CFAP299: variants seen among roughly 807,000 people sequenced by gnomAD.
CFAP299 encodes the protein cilia and flagella associated protein 299, also known as cilia- and flagella-associated protein 299.
CFAP299 carries 21 observed loss-of-function variants against 27.0 expected under a neutral mutation model. The observed-to-expected ratio is 0.78, with a 90% CI of 0.55 to 1.12. The LOEUF is 1.12. Ranked by LOEUF, CFAP299 falls within the 50% of genes most tolerant of loss-of-function variation. The pLI, the probability that CFAP299 is intolerant of heterozygous loss-of-function variation, is 0.00. For synonymous variants in CFAP299, 104 were observed against 98.1 expected (o/e 1.06, Z -0.36); for missense variants, 310 against 276.6 (o/e 1.12, Z -0.86).
intron 2 of CFAP299, among the ~76,000 whole-genome samples, chr4:80,425,638 G>A (rs941525765): frequency 1.3e-5 from 2 of 152,214 alleles, no homozygotes; most frequent in Admixed American, 6.5e-5. Context: ...CCATGAAAGG[G>A]AAACTTGCCT....
intron 2 of CFAP299, among the ~76,000 whole-genome samples, chr4:80,384,842 A>G (rs1724885870): frequency 6.6e-6 from 1 of 152,174 alleles, no homozygotes; most frequent in African/African-American, 2.4e-5. Flanking sequence ...CATTATTACC[A>G]TGAGTCCCTG....
intron 3 of CFAP299, among the ~76,000 whole-genome samples, chr4:80,801,815 A>C (rs2110110644): frequency 6.6e-6 from 1 of 152,280 alleles, no homozygotes; most frequent in Admixed American, 6.5e-5. Flanking sequence ...AGGAAGGATT[A>C]AGTAAAATTT....
At chr4:80,783,542 G>A (rs1481591913) in intron 3 of CFAP299, among the ~76,000 whole-genome samples, 1 of 152,164 alleles carries the variant, frequency 6.6e-6, no homozygotes, top group Non-Finnish European at 1.5e-5. Flanking sequence ...ATTATAGAAT[G>A]TAAAACTTCT....
At chr4:80,543,265 A>G (rs1407200141) in intron 2 of CFAP299, among the ~76,000 whole-genome samples, 1 of 152,196 alleles carries the variant, frequency 6.6e-6, no homozygotes, top group Non-Finnish European at 1.5e-5. Flanking sequence ...GTGAGAAAGA[A>G]CTAGTGCAAG....
intron 2 of CFAP299, among the ~76,000 whole-genome samples, chr4:80,375,812 G>A (rs561705680): frequency 2.0e-5 from 3 of 152,298 alleles, no homozygotes; most frequent in African/African-American, 7.2e-5. Context: ...TCAGTGCTTT[G>A]TGTGGGCCAC....
intron 5 of CFAP299, among the ~76,000 whole-genome samples, chr4:80,958,275 C>T (rs1041530199): frequency 4.6e-5 from 7 of 152,160 alleles, no homozygotes; most frequent in African/African-American, 1.7e-4. Flanking sequence ...TCAAGTCGAA[C>T]TTAATTCCTT....
chr4:80,837,643 C>T (rs977555592), intron 3 of CFAP299, among the ~76,000 whole-genome samples: 2 of 152,126 alleles, frequency 1.3e-5, no homozygotes, highest in Admixed American at 1.3e-4. Flanking sequence ...GCATAGTGTT[C>T]CATGGTGTAT....
At chr4:80,415,825 C>T (rs1332450326) in intron 2 of CFAP299, among the ~76,000 whole-genome samples, 1 of 152,084 alleles carries the variant, frequency 6.6e-6, no homozygotes, top group Non-Finnish European at 1.5e-5. Flanking sequence ...GAAGTTGCTC[C>T]TTAAATCTTA....
chr4:80,857,159 T>G (rs1731961838), intron 3 of CFAP299, among the ~76,000 whole-genome samples: 1 of 152,214 alleles, frequency 6.6e-6, no homozygotes, highest in African/African-American at 2.4e-5. Context: ...TTATTCTCTT[T>G]GAAGCAATTG....
At chr4:80,871,300 G>A (rs541655938) in intron 4 of CFAP299, 3 of 985,392 alleles carry the variant, frequency 3.0e-6, no homozygotes, top group African/African-American at 3.5e-5. Flanking sequence ...CATTGCCCAT[G>A]TCTTTTTGAT....
chr4:80,488,687 A>T lies in CFAP299; in HGVS notation c.243-94406A>T, dbSNP rs370111588. 9.3e-4 allele frequency among the ~76,000 whole-genome samples: 141 copies of T among 152,294 alleles called. No individual in the cohort carries two copies. In the South Asian group the frequency reaches 0.018, roughly 20 times the overall value. On this transcript the variant is annotated intron_variant, in intron 2 of 5. Coordinates refer to ENST00000358105, the MANE Select transcript of CFAP299 (RefSeq NM_152770.3). ...GAGACGGGGTTTCACCGTGTTAGCCAGGATGGTCTCGATCTCCTGACCTTG... is the reference window on the plus strand; with the variant it reads ...GAGACGGGGTTTCACCGTGTTAGCCTGGATGGTCTCGATCTCCTGACCTTG...
chr4:80,395,436 T>C (rs923471985), intron 2 of CFAP299, among the ~76,000 whole-genome samples: 1 of 152,100 alleles, frequency 6.6e-6, no homozygotes, highest in African/African-American at 2.4e-5. Flanking sequence ...CTTCCAGAAG[T>C]ATATTGGATA....
At chr4:80,828,086 G>C (rs147962335) in intron 3 of CFAP299, among the ~76,000 whole-genome samples, 2 of 151,960 alleles carry the variant, frequency 1.3e-5, no homozygotes, top group Admixed American at 1.3e-4. Flanking sequence ...TTCATGGAGC[G>C]AAAGACAGTA....
intron 3 of CFAP299, among the ~76,000 whole-genome samples, chr4:80,850,183 C>A (rs1731431815): frequency 6.6e-6 from 1 of 151,966 alleles, no homozygotes; most frequent in South Asian, 2.1e-4. Flanking sequence ...ATTGAAAACA[C>A]TGACTAATTT....
rs149487614 is a variant in CFAP299 at position 80,499,181 on chromosome 4, C to T, written c.243-83912C>T. On this transcript the variant is annotated intron_variant, in intron 2 of 5. Coordinates refer to ENST00000358105, the MANE Select transcript of CFAP299 (RefSeq NM_152770.3). ...TGGTGAAATAATCTGAATATCAAAC[C>T]CCTACAACATGAGATTTACCCATAT... is the stretch of plus-strand genomic sequence containing the variant. Among the ~76,000 whole-genome samples, 522 of 152,118 alleles carry T rather than the reference C, an allele frequency of 3.4e-3. 4 individuals carry two copies. The East Asian group carries it at 0.038, about 11-fold the overall frequency.
At chr4:80,684,487 G>T (rs745571529) in intron 3 of CFAP299, among the ~76,000 whole-genome samples, 8 of 152,050 alleles carry the variant, frequency 5.3e-5, no homozygotes, top group Admixed American at 1.3e-4. Context: ...GGATGGTTTC[G>T]ATCTCCTGAC....
At chr4:80,368,748 AT>A (rs1487030517) in intron 2 of CFAP299, among the ~76,000 whole-genome samples, 4 of 152,208 alleles carry the variant, frequency 2.6e-5, no homozygotes, top group Non-Finnish European at 5.9e-5. Context: ...TGAATATCAT[AT>A]ACTTGAGAAT....
At chr4:80,418,229 C>T (rs1194848036) in intron 2 of CFAP299, among the ~76,000 whole-genome samples, 1 of 151,850 alleles carries the variant, frequency 6.6e-6, no homozygotes, top group Non-Finnish European at 1.5e-5. Context: ...TACAACAAGC[C>T]CCACTATTCT....
chr4:80,458,429 G>A (rs74722315), intron 2 of CFAP299, among the ~76,000 whole-genome samples: 1,948 of 151,914 alleles, frequency 0.013, 47 homozygotes, highest in African/African-American at 0.044. Flanking sequence ...GTGTACAAAG[G>A]TTTTTAACTT....
Sources: allele counts gnomAD v4.1 joint callset (sites outside exome capture counted in the v4.1 genomes callset), GRCh38; gene constraint gnomAD v4.1.1; transcripts MANE v1.5; gene names NCBI Gene and HGNC (gene_info 2026-07-23, HGNC 2026-07-21).